The following SLC35F3 variants were observed in gnomAD, a reference collection of about 807,000 sequenced individuals.
SLC35F3 encodes putative thiamine transporter SLC35F3.
Under a neutral mutation model 49.9 loss-of-function variants are expected in SLC35F3, and 25 were observed. The observed-to-expected ratio is 0.50, with a 90% confidence interval of 0.37 to 0.70. SLC35F3 has a LOEUF of 0.70. Ranked by LOEUF, SLC35F3 falls within the 30% of genes least tolerant of loss-of-function variation. The pLI, the probability that SLC35F3 is intolerant of heterozygous loss-of-function variation, is 0.00. For synonymous variants in SLC35F3, 275 were observed against 265.4 expected, an observed-to-expected ratio of 1.04 and a Z score of -0.35; for missense variants, 525 against 639.8, an observed-to-expected ratio of 0.82 and a Z score of 1.94.
At chr1:233,969,631 A>T (rs769830948) in intron 2 of SLC35F3, among the ~76,000 whole-genome samples, 1 of 152,256 alleles carries the variant, frequency 6.6e-6, no homozygotes, top group Non-Finnish European at 1.5e-5. Flanking sequence ...TCTGGAATGT[A>T]GACTGCAGCA....
chr1:234,015,154 T>C (rs1312807400), intron 2 of SLC35F3, among the ~76,000 whole-genome samples: 1 of 152,074 alleles, frequency 6.6e-6, no homozygotes, highest in African/African-American at 2.4e-5. Flanking sequence ...GAGACCAGCC[T>C]GGCCAACATG....
Position 234,320,885 on chromosome 1 carries a change from T to G in SLC35F3, c.1237+698T>G, listed in dbSNP as rs958585447. 2.0e-5 allele frequency among the ~76,000 whole-genome samples: 3 copies of G among 152,128 alleles called. No individual in the cohort carries two copies. Among genetic ancestry groups the G allele is most frequent in the Non-Finnish European group, 4.4e-5 (3 of 68,010 alleles). ...TTTGGATTTTCTTCCCAGAACCTCC[T>G]GGCCTCATACCTGACCTCCCTAGGC... is the stretch of plus-strand genomic sequence containing the variant. On this transcript the variant is annotated intron_variant, in intron 7 of 7. Transcript: ENST00000366618. This position sits in a 1 kb window ranked among gnomAD's most constrained non-coding sequence, Gnocchi z 4.8.
chr1:234,006,027 A>T (rs1018251067), intron 2 of SLC35F3, among the ~76,000 whole-genome samples: 2 of 152,318 alleles, frequency 1.3e-5, no homozygotes, highest in East Asian at 3.9e-4. Context: ...AGGATGATGC[A>T]TTGGTACTTC....
At chr1:233,936,077 T>A (rs1662321425) in intron 2 of SLC35F3, among the ~76,000 whole-genome samples, 1 of 152,164 alleles carries the variant, frequency 6.6e-6, no homozygotes, top group Admixed American at 6.5e-5. Flanking sequence ...GAAGTAGAAT[T>A]TGGTTGTAGG....
At chr1:234,151,116 G>A (rs1666069480) in intron 2 of SLC35F3, among the ~76,000 whole-genome samples, 1 of 152,156 alleles carries the variant, frequency 6.6e-6, no homozygotes, top group Admixed American at 6.5e-5. Flanking sequence ...CCACACTGAG[G>A]AGGGGCTGCT....
intron 3 of SLC35F3, among the ~76,000 whole-genome samples, chr1:234,294,440 G>A (rs1233730012): frequency 6.6e-6 from 1 of 152,130 alleles, no homozygotes; most frequent in East Asian, 1.9e-4. Flanking sequence ...CAGAGAGTGG[G>A]GAATTGAATC....
At chr1:234,184,648 G>A (rs1283959889) in intron 2 of SLC35F3, among the ~76,000 whole-genome samples, 2 of 152,158 alleles carry the variant, frequency 1.3e-5, no homozygotes, top group Non-Finnish European at 2.9e-5. Context: ...TCCTGGCTCT[G>A]GGATGACCAA....
At chr1:234,043,712 T>C (rs1473788553) in intron 2 of SLC35F3, among the ~76,000 whole-genome samples, 3 of 152,208 alleles carry the variant, frequency 2.0e-5, no homozygotes, top group Non-Finnish European at 2.9e-5. Flanking sequence ...ATGACATCAG[T>C]AGATAAATAT....
chr1:234,097,109 G>A lies in SLC35F3; in HGVS notation c.284-134308G>A, dbSNP rs1317794245. ...TCTTCACGTTGGTCAGGCTGGTCTC[G>A]AACTCCCGACCTCAGGTGATCTGCC... On this transcript the variant is annotated intron_variant, in intron 2 of 7. Transcript: ENST00000366618. Among the ~76,000 whole-genome samples, 4 of 151,942 alleles carry A rather than the reference G, an allele frequency of 2.6e-5. No homozygotes were observed. The East Asian group carries it at 5.8e-4, about 22-fold the overall frequency.
At chr1:234,219,831 C>T (rs552806434) in intron 2 of SLC35F3, among the ~76,000 whole-genome samples, 3 of 152,300 alleles carry the variant, frequency 2.0e-5, no homozygotes, top group South Asian at 4.2e-4. Context: ...GAAGCACGGT[C>T]GGGATGGCAT....
At chr1:234,049,481 A>G (rs1472348784) in intron 2 of SLC35F3, among the ~76,000 whole-genome samples, 6 of 152,172 alleles carry the variant, frequency 3.9e-5, no homozygotes, top group Non-Finnish European at 7.3e-5. Context: ...GAATTCCCAA[A>G]GAAACCAAAT....
At position 233,905,646 on chromosome 1, in the gene SLC35F3, G is replaced by A; in HGVS notation, c.171G>A (p.Ser57=). The change falls in exon 2 of 8, where the codon TCG becomes TCA. Residue 57 remains serine (S), a synonymous_variant. Coordinates refer to ENST00000366618, the MANE Select transcript of SLC35F3 (RefSeq NM_173508.4). ...CGATTAAGGAGGATCTGAAATGGTC[G>A]CGCTCCGTGGAGGATCTCACCAGCG... ...DEAIKEDLKW[S]RSVEDLTSGP... 2 of 1,614,150 alleles carry A rather than the reference G, an allele frequency of 1.2e-6. No homozygotes were observed. Among genetic ancestry groups the A allele is most frequent in the Non-Finnish European group, 1.7e-6 (2 of 1,180,026 alleles).
At chr1:234,167,761 A>G (rs959310452) in intron 2 of SLC35F3, among the ~76,000 whole-genome samples, 13 of 152,138 alleles carry the variant, frequency 8.5e-5, no homozygotes, top group African/African-American at 2.4e-4. Flanking sequence ...CCACCACCTC[A>G]TGGTAGGGTA....
At chr1:233,945,610 T>C (rs1238310980) in intron 2 of SLC35F3, among the ~76,000 whole-genome samples, 1 of 152,226 alleles carries the variant, frequency 6.6e-6, no homozygotes, top group Non-Finnish European at 1.5e-5. Context: ...CTCACCCAGA[T>C]CTCATCTTGA....
At chr1:234,293,640 T>A (rs2102987028) in intron 3 of SLC35F3, among the ~76,000 whole-genome samples, 1 of 143,176 alleles carries the variant, frequency 7.0e-6, no homozygotes, top group South Asian at 2.3e-4. Flanking sequence ...TGGCTGTGTG[T>A]GTGAGGAAGA....
chr1:234,056,732 T>C (rs1176837864), intron 2 of SLC35F3, among the ~76,000 whole-genome samples: 1 of 152,228 alleles, frequency 6.6e-6, no homozygotes, highest in Non-Finnish European at 1.5e-5. Context: ...TAAGAATCCA[T>C]TGCCAAGTCT....
intron 2 of SLC35F3, among the ~76,000 whole-genome samples, chr1:234,201,802 T>A (rs1666903194): frequency 6.6e-6 from 1 of 151,732 alleles, no homozygotes; most frequent in Non-Finnish European, 1.5e-5. Context: ...ATCTTTGTAG[T>A]TTTACAAAAA....
At chr1:234,211,389 A>C (rs1039618820) in intron 2 of SLC35F3, among the ~76,000 whole-genome samples, 2 of 152,022 alleles carry the variant, frequency 1.3e-5, no homozygotes, top group Non-Finnish European at 2.9e-5. Flanking sequence ...GACAGCTTGC[A>C]CTCTGTGCCT....
At chr1:234,029,663 C>T (rs73100486) in intron 2 of SLC35F3, among the ~76,000 whole-genome samples, 4,298 of 152,232 alleles carry the variant, frequency 0.028, 223 homozygotes, top group African/African-American at 0.099. Context: ...ATTTTCCACC[C>T]TTTCCCAACT....
Sources: gnomAD v4.1 joint callset for allele counts (sites outside exome capture counted in the v4.1 genomes callset) on GRCh38, gnomAD v4.1.1 for gene constraint, Gnocchi (gnomAD v3.1) non-coding constraint, MANE v1.5 for transcripts, NCBI Gene and HGNC (gene_info 2026-07-23, HGNC 2026-07-21) for gene names.